Variants in SAYSD1 observed in about 807,000 individuals in gnomAD.
SAYSD1 encodes SAYSvFN domain-containing protein 1.
Under a neutral mutation model 14.5 loss-of-function variants are expected in SAYSD1, and 15 were observed. The ratio of observed to expected loss-of-function variants is 1.03; its 90% CI spans 0.69 to 1.59. The LOEUF (loss-of-function observed/expected upper bound fraction) is 1.59, where lower values mean the gene tolerates loss of function less well. Among genes scored for constraint, SAYSD1 ranks in the 40% most tolerant of loss-of-function variants. The pLI, the probability that SAYSD1 is intolerant of heterozygous loss-of-function variation, is 0.00. For synonymous variants in SAYSD1, 105 were observed against 102.6 expected (o/e 1.02, Z -0.14); for missense variants, 247 against 227.3 (o/e 1.09, Z -0.56).
Position 39,105,414 on chromosome 6 carries a change from T to C in SAYSD1, c.*18A>G, listed in dbSNP as rs754893850. ...AAGACCACATCAGAGGTTAGCTGCA[T>C]GACAGCACAGCTGGGTCCTATCTCC... On this transcript the variant is annotated 3_prime_UTR_variant, in exon 2 of 2. Transcript: ENST00000229903. 1 of 1,607,806 alleles carries C rather than the reference T, an allele frequency of 6.2e-7. No homozygotes were observed.
At chr6:39,109,140 G>A (rs115944598) in intron 1 of SAYSD1, among the ~76,000 whole-genome samples, 3,202 of 152,250 alleles carry the variant, frequency 0.021, 126 homozygotes, top group African/African-American at 0.073. Context: ...TTAGCCAGGC[G>A]ACTCCAAAGG....
chr6:39,112,122 G>T (rs941401559), intron 1 of SAYSD1: 4 of 152,014 alleles, frequency 2.6e-5, no homozygotes, highest in Admixed American at 2.0e-4. Flanking sequence ...GTTGAAGAGA[G>T]ATATTGCCTT....
intron 1 of SAYSD1, chr6:39,113,178 A>G (rs1419757045): frequency 6.6e-6 from 1 of 152,246 alleles, no homozygotes; most frequent in African/African-American, 2.4e-5. Flanking sequence ...GAGACGTTCT[A>G]AAGTTGCAGT....
rs1769477455 is a variant in SAYSD1, at chr6:39,105,411, G to A, written c.*21C>T. On this transcript the variant is annotated 3_prime_UTR_variant, in exon 2 of 2. Coordinates refer to ENST00000229903, the MANE Select transcript of SAYSD1 (RefSeq NM_018322.3). ...AGGAAGACCACATCAGAGGTTAGCT[G>A]CATGACAGCACAGCTGGGTCCTATC... The A allele has an allele frequency of 1.2e-6, 2 of 1,603,108 alleles. No homozygotes were observed. Among genetic ancestry groups the A allele is most frequent in the Non-Finnish European group, 8.5e-7 (1 of 1,171,498 alleles).
chr6:39,113,319 T>TA (rs1769665894), intron 1 of SAYSD1: 4 of 152,612 alleles, frequency 2.6e-5, no homozygotes, highest in Admixed American at 2.0e-4. Flanking sequence ...AAAAATAATT[T>TA]AAAAAAATAG....
rs552316848 is a variant in SAYSD1 at position 39,109,835 on chromosome 6, G to A, written c.208-4059C>T. ...TGGTGGTTTCTTTATCCCTTCAGCT[G>A]TGGGTGGACAGGACAGGTCATTTAC... is the stretch of plus-strand genomic sequence containing the variant. On this transcript the variant is annotated intron_variant, in intron 1 of 1. Coordinates refer to ENST00000229903, the MANE Select transcript of SAYSD1 (RefSeq NM_018322.3). Among the ~76,000 whole-genome samples, 153 of 152,312 alleles carry A rather than the reference G, an allele frequency of 1.0e-3. 1 individual carries two copies. Among genetic ancestry groups the A allele is most frequent in the Admixed American group, 2.2e-3 (34 of 15,306 alleles).
chr6:39,114,915 C>T lies in SAYSD1; in HGVS notation c.175G>A (p.Ala59Thr), dbSNP rs367637700. ...KRFLVWKPRP[A>T]SARAQPGLVQ... The stretch of plus-strand genomic sequence containing the variant: ...AGGCCGGGCTGGGCCCGGGCACTCG[C>T]GGGCCTAGGTTTCCATACCAGGAAC... The change falls in exon 1 of 2, where the codon GCG becomes ACG. Residue 59 changes from alanine (A) to threonine (T), a missense_variant. Transcript: ENST00000229903. The T allele has an allele frequency of 2.8e-5, 45 of 1,612,716 alleles. No homozygotes were observed. The Middle Eastern group carries it at 5.6e-4, about 20-fold the overall frequency.
At chr6:39,106,229 CTT>C (rs1180773666) in intron 1 of SAYSD1, among the ~76,000 whole-genome samples, 6 of 150,562 alleles carry the variant, frequency 4.0e-5, no homozygotes, top group African/African-American at 1.5e-4. Context: ...AACAAAAATC[CTT>C]TTTACGTTTA....
chr6:39,105,500 T>C lies in SAYSD1; in HGVS notation c.484A>G (p.Ile162Val). 1 of 1,614,250 alleles carries C rather than the reference T, an allele frequency of 6.2e-7. No individual in the cohort carries two copies. Among genetic ancestry groups the C allele is most frequent in the Non-Finnish European group, 8.5e-7 (1 of 1,180,046 alleles). ...YSVFNPGCEAIQGTLTAEQLE... is the reference protein window; with the variant it reads ...YSVFNPGCEAVQGTLTAEQLE... ...TGCTCTGCAGTCAGGGTGCCCTGGATGGCTTCACAGCCTGGATTGAACACA... is the reference window on the plus strand; with the variant it reads ...TGCTCTGCAGTCAGGGTGCCCTGGACGGCTTCACAGCCTGGATTGAACACA... Residue 162 changes from isoleucine (I) to valine (V), a missense_variant, in exon 2 of 2, where the codon ATC (isoleucine) becomes GTC (valine). Physicochemically the swap from Ile to Val is conservative, Grantham distance 29. Transcript: ENST00000229903.
intron 1 of SAYSD1, among the ~76,000 whole-genome samples, 173 bp downstream of exon 1, chr6:39,114,710 C>T (rs1769700583): frequency 6.6e-6 from 1 of 152,238 alleles, no homozygotes; most frequent in African/African-American, 2.4e-5. Context: ...AATGTCAAAA[C>T]TGGTAACAGT....
intron 1 of SAYSD1, chr6:39,110,776 T>A (rs548624058): frequency 6.6e-6 from 1 of 152,298 alleles, no homozygotes; most frequent in East Asian, 1.9e-4. Flanking sequence ...ACATTATGGC[T>A]TGTCAGGTAT....
Position 39,105,294 on chromosome 6 carries a change from G to C in SAYSD1, c.*138C>G. ...GATCAAATGGCAGCAAAAGATCAGG[G>C]AAAGAAGGTAGAAAAACTATGCAGT... On this transcript the variant is annotated 3_prime_UTR_variant, in exon 2 of 2. Transcript: ENST00000229903. The C allele has an allele frequency of 1.5e-6, 1 of 680,204 alleles. No individual in the cohort carries two copies. The highest frequency in any genetic ancestry group is 2.6e-5 in the East Asian group (1 of 38,122). The allele number at this position is 680,204 out of a possible 1,614,324, so 42.1% of individuals were successfully genotyped here.
At chr6:39,106,917 T>C (rs780270691) in intron 1 of SAYSD1, among the ~76,000 whole-genome samples, 3 of 152,180 alleles carry the variant, frequency 2.0e-5, no homozygotes, top group Non-Finnish European at 2.9e-5. Context: ...CGGAACTCTT[T>C]TGAACATGAC....
intron 1 of SAYSD1, chr6:39,109,534 T>C: frequency 2.1e-6 from 3 of 1,447,460 alleles, no homozygotes; most frequent in Non-Finnish European, 9.0e-7. Context: ...GCAGTGGCTT[T>C]GTTGCTCCAA....
chr6:39,115,162 GGCCCGCGCCGGCCGCCGTGC>G lies in SAYSD1; in HGVS notation c.-93_-74del. On this transcript the variant is annotated 5_prime_UTR_variant, in exon 1 of 2. Coordinates refer to ENST00000229903, the MANE Select transcript of SAYSD1 (RefSeq NM_018322.3). ...GGCCGCACAGCAGTTGCCTCCGCTC[GGCCCGCGCCGGCCGCCGTGC>G]GCCTGCGTGGCAGAAGCCCCTGCTG... 9.4e-6 allele frequency: 13 copies of G among 1,377,096 alleles called. No individual in the cohort carries two copies. The highest frequency in any genetic ancestry group is 1.2e-5 in the Non-Finnish European group (13 of 1,042,850). 85.3% of individuals were successfully genotyped at this position (1,377,096 alleles called of 1,614,324 possible).
In SAYSD1 at chr6:39,114,937, G is replaced by A; in HGVS notation, c.153C>T (p.Phe51=). 1 of 1,613,710 alleles carries A rather than the reference G, an allele frequency of 6.2e-7. No homozygotes were observed. Among genetic ancestry groups the A allele is most frequent in the Non-Finnish European group, 8.5e-7 (1 of 1,179,906 alleles). The change falls in exon 1 of 2, where the codon TTC becomes TTT. Residue 51 remains phenylalanine, a synonymous_variant. Transcript: ENST00000229903. ...LKAAPGWLKR[F]LVWKPRPASA... is the part of the protein sequence containing the mutation. ...TCGCGGGCCTAGGTTTCCATACCAG[G>A]AACCGCTTTAGCCAGCCTGGGGCTG...
In SAYSD1 at chr6:39,105,459, T is replaced by A. The variant is rs749739134; in HGVS notation, c.525A>T (p.Leu175Phe). ...TLTAEQLERE[L>F]QLRPLAGR ...ATCTCCCTGCCAGGGGTCTCAACTG[T>A]AACTCGCGCTCCAACTGCTCTGCAG... is the stretch of plus-strand genomic sequence containing the variant. The change falls in exon 2 of 2, where the codon TTA becomes TTT. Residue 175 changes from leucine to phenylalanine, a missense_variant. Coordinates refer to ENST00000229903, the MANE Select transcript of SAYSD1 (RefSeq NM_018322.3). 5 of 1,614,110 alleles carry A rather than the reference T, an allele frequency of 3.1e-6. No homozygotes were observed. The South Asian group carries it at 5.5e-5, about 18-fold the overall frequency.
At chr6:39,110,460 A>C (rs1769604471) in intron 1 of SAYSD1, 1 of 158,068 alleles carries the variant, frequency 6.3e-6, no homozygotes, top group African/African-American at 2.4e-5. Flanking sequence ...CATTGCCAAG[A>C]AGAGATTTGT....
At chr6:39,107,254 T>C (rs1197436243) in intron 1 of SAYSD1, among the ~76,000 whole-genome samples, 2 of 152,190 alleles carry the variant, frequency 1.3e-5, no homozygotes, top group Non-Finnish European at 2.9e-5. Flanking sequence ...CTTTCTTCCT[T>C]AACTCTTTGC....
Sources: gnomAD v4.1 joint callset for allele counts (sites outside exome capture counted in the v4.1 genomes callset) on GRCh38, gnomAD v4.1.1 for gene constraint, MANE v1.5 for transcripts, NCBI Gene and HGNC (gene_info 2026-07-23, HGNC 2026-07-21) for gene names.